AKAP13: variants seen among roughly 807,000 people sequenced by gnomAD.
AKAP13 encodes A-kinase anchoring protein 13.
In AKAP13, 80 loss-of-function variants were observed where a neutral mutation model predicts 264.5. The ratio of observed to expected loss-of-function variants is 0.30; its 90% confidence interval spans 0.25 to 0.36. The LOEUF (loss-of-function observed/expected upper bound fraction) is 0.36. Among genes scored for constraint, AKAP13 ranks in the 10% least tolerant of loss-of-function variants. The probability of loss-of-function intolerance (pLI) is 1.00; values close to 1 mark genes in which losing one functional copy is unlikely to be tolerated. For missense variants in AKAP13, 3,712 were observed against 3,435.2 expected (o/e 1.08, Z -2.01); for synonymous variants, 1,380 against 1,250.2 (o/e 1.10, Z -2.19).
intron 1 of AKAP13, among the ~76,000 whole-genome samples, chr15:85,426,148 A>C (rs977814111): frequency 6.6e-6 from 1 of 152,210 alleles, no homozygotes; most frequent in Non-Finnish European, 1.5e-5. Flanking sequence ...ATCAGGATTC[A>C]TGTTATGGAA....
chr15:85,703,754 A>C lies in AKAP13; in HGVS notation c.5465-4265A>C, dbSNP rs192235730. On this transcript the variant is annotated intron_variant, in intron 17 of 36. Transcript: ENST00000394518. ...GCTACTCAGGAGGCTGAGACAGCAG[A>C]ATCACCTGAACCCAGGAGGCAGAGG... Among the ~76,000 whole-genome samples, 43 of 152,062 alleles carry C rather than the reference A, an allele frequency of 2.8e-4. 1 individual carries two copies. The highest frequency in any genetic ancestry group is 7.4e-5 in the Non-Finnish European group (5 of 67,998).
intron 6 of AKAP13, chr15:85,577,762 G>T: frequency 1.0e-6 from 1 of 973,142 alleles, no homozygotes; most frequent in Non-Finnish European, 1.2e-6. Flanking sequence ...TTTATCAAAA[G>T]GTGAAAGAAT....
At chr15:85,719,800 T>G (rs2151722884) in intron 23 of AKAP13, among the ~76,000 whole-genome samples, 1 of 151,444 alleles carries the variant, frequency 6.6e-6, no homozygotes, top group Non-Finnish European at 1.5e-5. Flanking sequence ...CCAGGCGTGG[T>G]GGCATATGGG....
chr15:85,611,188 C>T lies in AKAP13; in HGVS notation c.4161+25365C>T, dbSNP rs748733670. On this transcript the variant is annotated intron_variant, in intron 8 of 36. Transcript: ENST00000394518. ...TATCCTTTCTTTGAAATACTTTCTC[C>T]ATTTAGTTTCCTTGATGCCACTTCT... Among the ~76,000 whole-genome samples the T allele has an allele frequency of 2.6e-5, 4 of 152,142 alleles. 1 individual carries two copies. Among genetic ancestry groups the T allele is most frequent in the Non-Finnish European group, 5.9e-5 (4 of 68,030 alleles).
At chr15:85,598,752 AGG>A (rs1482269956) in intron 8 of AKAP13, among the ~76,000 whole-genome samples, 1 of 151,110 alleles carries the variant, frequency 6.6e-6, no homozygotes, top group Non-Finnish European at 1.5e-5. Context: ...AACTCAGAGA[AGG>A]AATTTTCCAT....
intron 7 of AKAP13, 42 bp from the exon 8 acceptor site, chr15:85,585,660 C>T (rs780300692): frequency 5.0e-6 from 8 of 1,612,030 alleles, no homozygotes; most frequent in Non-Finnish European, 6.8e-6. Context: ...GCACAGGAAT[C>T]AGTTTTTAAA....
rs572631358 is a variant in AKAP13, at chr15:85,620,596, G to T, written c.4162-18778G>T. 1.6e-4 allele frequency among the ~76,000 whole-genome samples: 24 copies of T among 151,708 alleles called. No homozygotes were observed. The South Asian group carries it at 5.0e-3, about 32-fold the overall frequency. ...TGTCTTTTAAGTATTTCTGTCTTTTGTCTGAGTCTTTTCTGTTTTTCTGCT... is the reference window on the plus strand; with the variant it reads ...TGTCTTTTAAGTATTTCTGTCTTTTTTCTGAGTCTTTTCTGTTTTTCTGCT... On this transcript the variant is annotated intron_variant, in intron 8 of 36. Transcript: ENST00000394518.
intron 17 of AKAP13, among the ~76,000 whole-genome samples, chr15:85,704,657 A>T (rs1261147909): frequency 6.6e-6 from 1 of 152,198 alleles, no homozygotes; most frequent in Non-Finnish European, 1.5e-5. Flanking sequence ...AAGAATTTTA[A>T]AAAATGAAAG....
intron 1 of AKAP13, among the ~76,000 whole-genome samples, chr15:85,426,250 C>G (rs2072771873): frequency 6.6e-6 from 1 of 152,266 alleles, no homozygotes; most frequent in South Asian, 2.1e-4. Flanking sequence ...TATTACGAGA[C>G]CTTGAATTAA....
chr15:85,461,548 A>G (rs1404694385), intron 1 of AKAP13, among the ~76,000 whole-genome samples: 2 of 152,174 alleles, frequency 1.3e-5, no homozygotes, highest in Non-Finnish European at 2.9e-5. Context: ...AATCCTTGCT[A>G]CATACCAAAT....
At chr15:85,677,749 C>T (rs191681974) in intron 14 of AKAP13, among the ~76,000 whole-genome samples, 121 of 151,948 alleles carry the variant, frequency 8.0e-4, no homozygotes, top group Non-Finnish European at 7.2e-4. Context: ...ATTCTTCTGC[C>T]TCAGCCTCCC....
chr15:85,525,163 A>C (rs573310436), intron 3 of AKAP13, among the ~76,000 whole-genome samples: 1 of 146,656 alleles, frequency 6.8e-6, no homozygotes, highest in African/African-American at 2.5e-5. Context: ...GGTTCACGCC[A>C]TCCTCCTGCC....
chr15:85,644,243 T>A (rs2082440865), intron 9 of AKAP13, among the ~76,000 whole-genome samples: 1 of 151,668 alleles, frequency 6.6e-6, no homozygotes, highest in African/African-American at 2.4e-5. Flanking sequence ...CTTTTTTTTT[T>A]TTTTTGGAAA....
At chr15:85,603,832 G>A (rs2080198455) in intron 8 of AKAP13, among the ~76,000 whole-genome samples, 1 of 152,106 alleles carries the variant, frequency 6.6e-6, no homozygotes, top group South Asian at 2.1e-4. Context: ...CAGGCCTCCT[G>A]TTATACTCTT....
intron 33 of AKAP13, among the ~76,000 whole-genome samples, chr15:85,739,398 T>A (rs1406343397): frequency 6.6e-6 from 1 of 152,258 alleles, no homozygotes; most frequent in Non-Finnish European, 1.5e-5. Context: ...TATGTTATGC[T>A]ATTGGCCATT....
intron 1 of AKAP13, among the ~76,000 whole-genome samples, chr15:85,444,195 G>A (rs1264796065): frequency 2.0e-5 from 3 of 152,178 alleles, no homozygotes; most frequent in African/African-American, 7.2e-5. Context: ...ACTCGAGCCA[G>A]CTACTTGTTA....
intron 2 of AKAP13, among the ~76,000 whole-genome samples, chr15:85,486,605 A>G (rs1461533305): frequency 6.6e-6 from 1 of 152,080 alleles, no homozygotes; most frequent in African/African-American, 2.4e-5. Context: ...CCTTTCATTT[A>G]GGTTGTTTTT....
chr15:85,479,495 A>G (rs2075285527), intron 1 of AKAP13, among the ~76,000 whole-genome samples: 1 of 152,176 alleles, frequency 6.6e-6, no homozygotes, highest in Admixed American at 6.5e-5. Context: ...GCAGGTAAAA[A>G]TGCTCTATTT....
chr15:85,495,786 C>T (rs1341966255), intron 2 of AKAP13, among the ~76,000 whole-genome samples: 1 of 152,080 alleles, frequency 6.6e-6, no homozygotes, highest in Non-Finnish European at 1.5e-5. Flanking sequence ...TTATGTCGTC[C>T]TTCCTCTCTT....
Sources: gnomAD v4.1 joint callset for allele counts (sites outside exome capture counted in the v4.1 genomes callset) on GRCh38, gnomAD v4.1.1 for gene constraint, MANE v1.5 for transcripts, NCBI Gene and HGNC (gene_info 2026-07-23, HGNC 2026-07-21) for gene names.